ELMO1: variants seen among roughly 807,000 people sequenced by gnomAD.
ELMO1 encodes the protein engulfment and cell motility protein 1.
Under a neutral mutation model 98.9 loss-of-function variants are expected in ELMO1, and 26 were observed. The observed-to-expected ratio is 0.26, with a 90% CI of 0.19 to 0.36. ELMO1 has a LOEUF of 0.36. Ranked by LOEUF, ELMO1 falls within the 10% of genes least tolerant of loss-of-function variation. ELMO1 has a pLI of 1.00. For synonymous variants in ELMO1, 346 were observed against 346.0 expected (o/e 1.00, Z 0.00); for missense variants, 627 against 935.2 (o/e 0.67, Z 4.30).
intron 15 of ELMO1, among the ~76,000 whole-genome samples, chr7:37,016,866 G>A (rs977818856): frequency 9.2e-5 from 14 of 152,296 alleles, no homozygotes; most frequent in Middle Eastern, 3.4e-3. Context: ...ATTCAAGGTC[G>A]AGTTGGCTCC....
chr7:37,332,113 C>T (rs1800159498), intron 2 of ELMO1, among the ~76,000 whole-genome samples: 1 of 152,192 alleles, frequency 6.6e-6, no homozygotes. Context: ...ATTCATCCAT[C>T]ATCATTTTGA....
intron 1 of ELMO1, among the ~76,000 whole-genome samples, chr7:37,358,402 C>T (rs1037746801): frequency 1.3e-5 from 2 of 152,144 alleles, no homozygotes; most frequent in East Asian, 3.8e-4. Flanking sequence ...TACACAAATA[C>T]AGACACACAA....
intron 4 of ELMO1, among the ~76,000 whole-genome samples, chr7:37,287,898 CA>C (rs964955760): frequency 1.6e-4 from 24 of 152,328 alleles, no homozygotes; most frequent in African/African-American, 5.5e-4. Context: ...TCTTTTCCTA[CA>C]ATGCTAGGGT....
chr7:37,223,428 C>T (rs1299653989), intron 9 of ELMO1, among the ~76,000 whole-genome samples: 1 of 152,152 alleles, frequency 6.6e-6, no homozygotes, highest in Non-Finnish European at 1.5e-5. Context: ...TGGCTGAGAC[C>T]TTGGACAAGT....
At chr7:37,374,751 AAAAT>A (rs531519033) in intron 1 of ELMO1, among the ~76,000 whole-genome samples, 1 of 151,340 alleles carries the variant, frequency 6.6e-6, no homozygotes, top group Admixed American at 6.6e-5. Context: ...ACTCCATCTC[AAAAT>A]AAATAAATAA....
intron 15 of ELMO1, among the ~76,000 whole-genome samples, chr7:37,050,071 C>T (rs1010144715): frequency 2.6e-5 from 4 of 151,944 alleles, no homozygotes; most frequent in Non-Finnish European, 5.9e-5. Flanking sequence ...TGAGCCTCCG[C>T]GCCCAGCCTT....
At position 37,048,813 on chromosome 7, in the gene ELMO1, A is replaced by T. The variant is rs75531607; in HGVS notation, c.1301-35378T>A. On this transcript the variant is annotated intron_variant, in intron 15 of 21. Transcript: ENST00000310758. ...AAAGACTTAAAAACAGGGCCTAGGT[A>T]CCTGCAGTAACCTATTTGGATAGTT... Among the ~76,000 whole-genome samples, 261 of 152,304 alleles carry T rather than the reference A, an allele frequency of 1.7e-3. 5 individuals carry two copies. Among genetic ancestry groups the T allele is most frequent in the African/African-American group, 6.0e-3 (248 of 41,582 alleles).
chr7:36,961,569 CA>C (rs1788953254), intron 16 of ELMO1, among the ~76,000 whole-genome samples: 1 of 152,112 alleles, frequency 6.6e-6, no homozygotes, highest in Non-Finnish European at 1.5e-5. Flanking sequence ...TTCAGTTTCA[CA>C]AAAGTACTTT....
intron 16 of ELMO1, among the ~76,000 whole-genome samples, chr7:36,944,653 C>T (rs1034208451): frequency 6.6e-6 from 1 of 152,214 alleles, no homozygotes; most frequent in Non-Finnish European, 1.5e-5. Context: ...ACCGGAGCTC[C>T]TTGAAGTCAA....
chr7:37,358,375 A>C lies in ELMO1; in HGVS notation c.-73-15612T>G, dbSNP rs114577553. Among the ~76,000 whole-genome samples the C allele has an allele frequency of 6.4e-3, 980 of 152,348 alleles. 13 individuals carry two copies. Among genetic ancestry groups the C allele is most frequent in the African/African-American group, 0.022 (923 of 41,576 alleles). ...ACTCTATTGTGCCAAAACCAAACTA[A>C]TGACAATAAAAACAAGTACACAAAT... On this transcript the variant is annotated intron_variant, in intron 1 of 21. Transcript: ENST00000310758.
intron 16 of ELMO1, among the ~76,000 whole-genome samples, chr7:36,968,665 A>G (rs1010641686): frequency 6.6e-6 from 1 of 152,154 alleles, no homozygotes; most frequent in African/African-American, 2.4e-5. Context: ...GTCAATGTCA[A>G]TTGTCAATTA....
At chr7:37,195,017 A>G (rs1341360985) in intron 13 of ELMO1, among the ~76,000 whole-genome samples, 1 of 152,198 alleles carries the variant, frequency 6.6e-6, no homozygotes, top group Non-Finnish European at 1.5e-5. Context: ...CTAAGTAGAC[A>G]AGGACCTATC....
chr7:37,063,865 G>A (rs1034258181), intron 15 of ELMO1, among the ~76,000 whole-genome samples: 5 of 152,044 alleles, frequency 3.3e-5, no homozygotes, highest in African/African-American at 4.8e-5. Flanking sequence ...TTCTTCAACC[G>A]GGGCAAAACC....
chr7:37,066,565 T>C (rs1013442844), intron 15 of ELMO1, among the ~76,000 whole-genome samples: 5 of 152,268 alleles, frequency 3.3e-5, no homozygotes, highest in African/African-American at 1.2e-4. Flanking sequence ...AGAGTTCTAG[T>C]GTTCTATACC....
At chr7:37,238,204 C>G (rs1464712336) in intron 7 of ELMO1, among the ~76,000 whole-genome samples, 2 of 152,156 alleles carry the variant, frequency 1.3e-5, no homozygotes, top group Non-Finnish European at 2.9e-5. Context: ...TATCCCTCCA[C>G]TTGTTTAGGT....
intron 4 of ELMO1, among the ~76,000 whole-genome samples, chr7:37,276,352 T>G (rs1796832292): frequency 6.6e-6 from 1 of 152,174 alleles, no homozygotes; most frequent in African/African-American, 2.4e-5. Context: ...CTCAAGCCTG[T>G]AATCCCAGCA....
intron 1 of ELMO1, among the ~76,000 whole-genome samples, chr7:37,378,761 T>A (rs370725810): frequency 1.3e-5 from 2 of 151,850 alleles, no homozygotes; most frequent in African/African-American, 4.8e-5. Flanking sequence ...CTTTTTTTTT[T>A]ATCTTAAACA....
At chr7:36,873,460 C>T (rs978168555) in intron 19 of ELMO1, among the ~76,000 whole-genome samples, 6 of 152,180 alleles carry the variant, frequency 3.9e-5, no homozygotes, top group Non-Finnish European at 8.8e-5. Flanking sequence ...ACCACATTTA[C>T]CCCCTGGGGC....
At chr7:37,302,946 C>T (rs1032246613) in intron 4 of ELMO1, among the ~76,000 whole-genome samples, 2 of 152,184 alleles carry the variant, frequency 1.3e-5, no homozygotes, top group African/African-American at 2.4e-5. Flanking sequence ...GTTGCAGGCA[C>T]ACTACCTTTC....
Sources: allele counts gnomAD v4.1 joint callset (sites outside exome capture counted in the v4.1 genomes callset), GRCh38; gene constraint gnomAD v4.1.1; transcripts MANE v1.5; gene names NCBI Gene and HGNC (gene_info 2026-07-23, HGNC 2026-07-21).